The following MCC variants were observed in gnomAD, a reference collection of about 807,000 sequenced individuals.
MCC encodes MCC regulator of Wnt signaling pathway, also known as colorectal mutant cancer protein.
A neutral mutation model predicts 116.2 loss-of-function variants in MCC; 90 were observed. The observed-to-expected ratio is 0.77, with a 90% CI of 0.65 to 0.92. The LOEUF (loss-of-function observed/expected upper bound fraction) is 0.92, where lower values mean the gene tolerates loss of function less well. MCC is among the 40% of genes least tolerant of loss of function. The probability of loss-of-function intolerance (pLI) is 0.00; values close to 1 mark genes in which losing one functional copy is unlikely to be tolerated. For missense variants in MCC, 1,516 were observed against 1,312.2 expected (o/e 1.16, Z -2.40); for synonymous variants, 578 against 510.5 (o/e 1.13, Z -1.78).
intron 1 of MCC, among the ~76,000 whole-genome samples, chr5:113,402,073 T>C (rs949089841): frequency 6.6e-6 from 1 of 151,506 alleles, no homozygotes; most frequent in South Asian, 2.1e-4. Flanking sequence ...GGCGGGTGGA[T>C]CACGAGGTCC....
chr5:113,156,841 G>A (rs1760198689), intron 3 of MCC, among the ~76,000 whole-genome samples: 1 of 152,170 alleles, frequency 6.6e-6, no homozygotes, highest in South Asian at 2.1e-4. Flanking sequence ...CAAGCTAACT[G>A]TCAAAATGGT....
chr5:113,409,087 A>C (rs1769910278), intron 1 of MCC, among the ~76,000 whole-genome samples: 1 of 152,208 alleles, frequency 6.6e-6, no homozygotes, highest in South Asian at 2.1e-4. Flanking sequence ...TTAGGCTGGA[A>C]TAGAAGGACC....
intron 4 of MCC, among the ~76,000 whole-genome samples, chr5:113,145,782 AC>A (rs1322962280): frequency 3.6e-4 from 5 of 13,722 alleles, no homozygotes; most frequent in Admixed American, 1.0e-3. Context: ...ACACACACAC[AC>A]AAACACACAC....
intron 3 of MCC, among the ~76,000 whole-genome samples, chr5:113,207,805 TA>T (rs1025512977): frequency 1.3e-5 from 2 of 152,168 alleles, no homozygotes; most frequent in African/African-American, 4.8e-5. Flanking sequence ...AACAAACCTA[TA>T]AACAGAACCT....
chr5:113,253,344 CT>C (rs1290041985), intron 3 of MCC, among the ~76,000 whole-genome samples: 2 of 152,154 alleles, frequency 1.3e-5, no homozygotes, highest in Non-Finnish European at 2.9e-5. Context: ...CGGTTGGCCC[CT>C]AGTCTGAAGT....
At chr5:113,398,770 T>A (rs1281114424) in intron 1 of MCC, among the ~76,000 whole-genome samples, 11 of 152,230 alleles carry the variant, frequency 7.2e-5, no homozygotes, top group Non-Finnish European at 2.9e-5. Context: ...ATCCCAAAAC[T>A]CAGCATCACG....
intron 8 of MCC, among the ~76,000 whole-genome samples, chr5:113,087,377 G>A (rs985722147): frequency 4.6e-5 from 7 of 152,146 alleles, no homozygotes; most frequent in Non-Finnish European, 7.4e-5. Flanking sequence ...CCAGACACAG[G>A]GCTAAACTCA....
chr5:113,245,383 T>G (rs141006839), intron 3 of MCC, among the ~76,000 whole-genome samples: 131 of 152,228 alleles, frequency 8.6e-4, no homozygotes, highest in African/African-American at 2.7e-3. Context: ...GTCCTCTCTC[T>G]TGTGTTCTCC....
chr5:113,108,324 T>C (rs1581077300), intron 6 of MCC, among the ~76,000 whole-genome samples: 2 of 80,440 alleles, frequency 2.5e-5, no homozygotes, highest in Admixed American at 2.1e-4. Context: ...GACGCAACAC[T>C]CTATCTTAAA....
chr5:113,212,537 C>T (rs866676136), intron 3 of MCC, among the ~76,000 whole-genome samples: 2 of 152,192 alleles, frequency 1.3e-5, no homozygotes, highest in Non-Finnish European at 2.9e-5. Flanking sequence ...GGTTGTTACA[C>T]ACACATTTGA....
chr5:113,107,799 G>A (rs1048129014), intron 6 of MCC, among the ~76,000 whole-genome samples: 8 of 152,202 alleles, frequency 5.3e-5, no homozygotes, highest in Non-Finnish European at 1.5e-5. Context: ...TCTGCTGAGG[G>A]GCTCTCACAG....
chr5:113,138,990 A>G (rs1006339418), intron 5 of MCC, among the ~76,000 whole-genome samples: 2 of 152,128 alleles, frequency 1.3e-5, no homozygotes, highest in African/African-American at 4.8e-5. Context: ...GTCTCTGTTC[A>G]CCAGACCAGA....
intron 1 of MCC, among the ~76,000 whole-genome samples, chr5:113,400,790 A>G (rs1000144493): frequency 1.3e-5 from 2 of 152,230 alleles, no homozygotes; most frequent in African/African-American, 4.8e-5. Context: ...TTGGTGGATG[A>G]ATGAATGAAC....
intron 3 of MCC, among the ~76,000 whole-genome samples, chr5:113,295,885 T>G (rs942016772): frequency 6.6e-6 from 1 of 152,210 alleles, no homozygotes; most frequent in African/African-American, 2.4e-5. Flanking sequence ...ACAAAATGTC[T>G]CCATCCCCAA....
intron 1 of MCC, among the ~76,000 whole-genome samples, chr5:113,413,653 C>A (rs1343836275): frequency 6.6e-6 from 1 of 151,830 alleles, no homozygotes; most frequent in Non-Finnish European, 1.5e-5. Context: ...CTATTTGAAT[C>A]TTCTCTCTTT....
At chr5:113,055,886 G>T (rs1383608765) in intron 14 of MCC, among the ~76,000 whole-genome samples, 1 of 152,178 alleles carries the variant, frequency 6.6e-6, no homozygotes, top group South Asian at 2.1e-4. Context: ...GGAAAGACAG[G>T]TCCCCCAAAA....
chr5:113,464,271 A>G (rs1329873035), intron 1 of MCC, among the ~76,000 whole-genome samples: 1 of 152,136 alleles, frequency 6.6e-6, no homozygotes, highest in African/African-American at 2.4e-5. Context: ...TCCTCACAAT[A>G]ATCTGCAAGG....
chr5:113,141,683 G>A (rs1759190421), intron 5 of MCC, among the ~76,000 whole-genome samples: 1 of 152,180 alleles, frequency 6.6e-6, no homozygotes, highest in South Asian at 2.1e-4. Context: ...AATTTAATAT[G>A]ACATCTCCAC....
At chr5:113,267,533 T>C (rs1765466154) in intron 3 of MCC, among the ~76,000 whole-genome samples, 1 of 152,152 alleles carries the variant, frequency 6.6e-6, no homozygotes, top group Admixed American at 6.6e-5. Flanking sequence ...CTGAGCTTAT[T>C]CTGTCAGGGG....
Sources: gnomAD v4.1 joint callset for allele counts (sites outside exome capture counted in the v4.1 genomes callset) on GRCh38, gnomAD v4.1.1 for gene constraint, MANE v1.5 for transcripts, NCBI Gene and HGNC (gene_info 2026-07-23, HGNC 2026-07-21) for gene names.